Variants in DLG2 observed in about 807,000 individuals in gnomAD.
DLG2 encodes the protein disks large homolog 2.
Under a neutral mutation model 132.5 loss-of-function variants are expected in DLG2, and 45 were observed. That is an observed-to-expected ratio of 0.34 (90% CI 0.27 to 0.44). The LOEUF is 0.44. Among genes scored for constraint, DLG2 ranks in the 20% least tolerant of loss-of-function variants. The pLI is 1.00. For synonymous variants in DLG2, 424 were observed against 419.6 expected (o/e 1.01, Z -0.13); for missense variants, 1,045 against 1,196.9 (o/e 0.87, Z 1.87).
rs1296211671 is a variant in DLG2, at chr11:83,541,788, C to T, written c.2011G>A (p.Asp671Asn). 1 of 1,613,396 alleles carries T rather than the reference C, an allele frequency of 6.2e-7. No homozygotes were observed. Among genetic ancestry groups the T allele is most frequent in the Non-Finnish European group, 8.5e-7 (1 of 1,179,572 alleles). ...GAGGCATTGATAACGTGGAGAATAT[C>T]TCCATATTTAAAACTAAGTCCTTGA... ...PSQGLSFKYG[D>N]ILHVINASDD... Residue 671 changes from aspartate (D) to asparagine (N), a missense_variant, in exon 20 of 28, where the codon GAT becomes AAT. Coordinates refer to ENST00000376104, the MANE Select transcript of DLG2 (RefSeq NM_001142699.3).
At chr11:84,516,538 T>C (rs1469381216) in intron 7 of DLG2, among the ~76,000 whole-genome samples, 1 of 151,534 alleles carries the variant, frequency 6.6e-6, no homozygotes, top group Non-Finnish European at 1.5e-5. Flanking sequence ...AAAACCTGAA[T>C]AGATCAAAAA....
At chr11:85,286,892 T>C (rs1257147821) in intron 3 of DLG2, among the ~76,000 whole-genome samples, 1 of 151,882 alleles carries the variant, frequency 6.6e-6, no homozygotes, top group African/African-American at 2.4e-5. Flanking sequence ...AATAAAGAAA[T>C]AGTCACCAGA....
At chr11:83,885,373 G>A (rs2067528410) in intron 15 of DLG2, among the ~76,000 whole-genome samples, 1 of 152,162 alleles carries the variant, frequency 6.6e-6, no homozygotes, top group South Asian at 2.1e-4. Flanking sequence ...TGAATGAAAT[G>A]AAGTGACAAA....
intron 7 of DLG2, among the ~76,000 whole-genome samples, chr11:84,354,642 GACCTTAGA>G (rs548487669): frequency 6.6e-6 from 1 of 152,202 alleles, no homozygotes; most frequent in African/African-American, 2.4e-5. Context: ...TTAAACTCGA[GACCTTAGA>G]ACCATCTGTC....
chr11:84,919,708 G>C (rs981300007), intron 6 of DLG2, among the ~76,000 whole-genome samples: 8 of 152,116 alleles, frequency 5.3e-5, no homozygotes, highest in African/African-American at 1.9e-4. Context: ...GTGCGATGAG[G>C]AAGATAAAGT....
At chr11:84,502,579 G>A (rs749214004) in intron 7 of DLG2, among the ~76,000 whole-genome samples, 72 of 151,224 alleles carry the variant, frequency 4.8e-4, no homozygotes, top group Non-Finnish European at 8.0e-4. Flanking sequence ...GTATTTTTTA[G>A]TAGAGATGGT....
chr11:84,104,285 T>C (rs574716533), intron 9 of DLG2, among the ~76,000 whole-genome samples: 1 of 152,150 alleles, frequency 6.6e-6, no homozygotes, highest in Non-Finnish European at 1.5e-5. Context: ...GCAATATGGA[T>C]GCAGCTGGAG....
chr11:85,063,915 G>A (rs1390322547), intron 6 of DLG2, among the ~76,000 whole-genome samples: 1 of 151,682 alleles, frequency 6.6e-6, no homozygotes, highest in Admixed American at 6.6e-5. Flanking sequence ...GACAAATAAG[G>A]CGATATTAGA....
chr11:85,177,286 TACACACACAC>T (rs149186312), intron 4 of DLG2, among the ~76,000 whole-genome samples: 1 of 136,476 alleles, frequency 7.3e-6, no homozygotes, highest in Admixed American at 7.2e-5. Context: ...TATATACATA[TACACACACAC>T]ACACACACAC....
At chr11:83,666,286 C>A in intron 18 of DLG2, among the ~76,000 whole-genome samples, 1 of 152,276 alleles carries the variant, frequency 6.6e-6, no homozygotes. Flanking sequence ...CAGAGGTCCC[C>A]AACCCCCAGT....
chr11:84,798,371 C>T (rs1048362578), intron 6 of DLG2, among the ~76,000 whole-genome samples: 3 of 152,204 alleles, frequency 2.0e-5, no homozygotes, highest in African/African-American at 7.2e-5. Context: ...TGTCACTAAG[C>T]TGGCCCTCAA....
chr11:83,792,840 A>G (rs2041931090), intron 17 of DLG2, among the ~76,000 whole-genome samples: 1 of 152,164 alleles, frequency 6.6e-6, no homozygotes, highest in Non-Finnish European at 1.5e-5. Context: ...AAGGATATGA[A>G]TGTCAAATTT....
rs575257650 is a variant in DLG2 at position 85,134,255 on chromosome 11, C to CTTTT, written c.282+20297_282+20300dup. On this transcript the variant is annotated intron_variant, in intron 5 of 27. Coordinates refer to ENST00000376104, the MANE Select transcript of DLG2 (RefSeq NM_001142699.3). The stretch of plus-strand genomic sequence containing the variant: ...CCACCCCACTACTAACCACCACCCT[C>CTTTT]TTTTTTTTTTTTCATAAAAAGTATA... Among the ~76,000 whole-genome samples, 146 of 145,594 alleles carry CTTTT rather than the reference C, an allele frequency of 1.0e-3. 1 individual carries two copies. The highest frequency in any genetic ancestry group is 2.9e-3 in the African/African-American group (114 of 39,956).
At position 83,652,163 on chromosome 11, in the gene DLG2, G is replaced by A. The variant is rs1480373085; in HGVS notation, c.1826-18838C>T. 3.3e-5 allele frequency among the ~76,000 whole-genome samples: 5 copies of A among 152,138 alleles called. No individual in the cohort carries two copies. In the South Asian group the frequency reaches 6.2e-4, roughly 19 times the overall value. ...TTTTTTGGTGTGGAATCTTGGCAGC[G>A]CAACTGGACCCCAGCTTGGAGCCAC... On this transcript the variant is annotated intron_variant, in intron 18 of 27. Coordinates refer to ENST00000376104, the MANE Select transcript of DLG2 (RefSeq NM_001142699.3).
chr11:83,808,038 T>C (rs1343705081), intron 17 of DLG2, among the ~76,000 whole-genome samples: 3 of 152,150 alleles, frequency 2.0e-5, no homozygotes, highest in Admixed American at 6.5e-5. Flanking sequence ...CGCATACACA[T>C]TCCCTTCCCC....
intron 8 of DLG2, among the ~76,000 whole-genome samples, chr11:84,174,742 T>C (rs1233966573): frequency 6.6e-6 from 1 of 152,104 alleles, no homozygotes; most frequent in Non-Finnish European, 1.5e-5. Flanking sequence ...GTCCATCGAA[T>C]CAAAAATATT....
At chr11:85,207,301 A>C (rs1387504116) in intron 4 of DLG2, among the ~76,000 whole-genome samples, 4 of 152,172 alleles carry the variant, frequency 2.6e-5, no homozygotes, top group African/African-American at 4.8e-5. Flanking sequence ...ATTGTGAAGC[A>C]AAAGCCCTAC....
At chr11:85,541,320 G>T (rs1239050657) in intron 3 of DLG2, among the ~76,000 whole-genome samples, 1 of 151,608 alleles carries the variant, frequency 6.6e-6, no homozygotes. Context: ...TTATATACTA[G>T]GTCATTTCTT....
At chr11:84,507,970 G>C (rs1361995117) in intron 7 of DLG2, among the ~76,000 whole-genome samples, 1 of 152,166 alleles carries the variant, frequency 6.6e-6, no homozygotes, top group African/African-American at 2.4e-5. Flanking sequence ...TTTATGCTTA[G>C]CAAACAAGGT....
Sources: allele counts gnomAD v4.1 joint callset (sites outside exome capture counted in the v4.1 genomes callset), GRCh38; gene constraint gnomAD v4.1.1; transcripts MANE v1.5; gene names NCBI Gene and HGNC (gene_info 2026-07-23, HGNC 2026-07-21).